MAP7D2: variants seen among roughly 807,000 people sequenced by gnomAD.
MAP7D2 encodes the protein MAP7 domain-containing protein 2.
Under a neutral mutation model 63.5 loss-of-function variants are expected in MAP7D2, and 33 were observed. The observed-to-expected ratio is 0.52, with a 90% CI of 0.39 to 0.70. The LOEUF is 0.70. Among genes scored for constraint, MAP7D2 ranks in the 30% least tolerant of loss-of-function variants. The pLI is 0.00. For missense variants in MAP7D2, 626 were observed against 604.0 expected, an observed-to-expected ratio of 1.04 and a Z score of -0.38; for synonymous variants, 224 against 223.7, an observed-to-expected ratio of 1.00 and a Z score of -0.01.
chrX:20,020,218 C>G (rs978714847), intron 10 of MAP7D2, among the ~76,000 whole-genome samples: 4 of 111,418 alleles, frequency 3.6e-5, no homozygotes, highest in African/African-American at 1.3e-4. Context: ...ACATCCTCCA[C>G]AGCTATGTGT....
chrX:20,033,636 C>T (rs1371713989), intron 8 of MAP7D2, among the ~76,000 whole-genome samples: 1 of 112,402 alleles, frequency 8.9e-6, no homozygotes, highest in Non-Finnish European at 1.9e-5. Flanking sequence ...GAACAATGCA[C>T]TGTCAGAGCT....
intron 8 of MAP7D2, among the ~76,000 whole-genome samples, chrX:20,028,201 G>A (rs1400790838): frequency 9.0e-6 from 1 of 111,703 alleles, no homozygotes; most frequent in Non-Finnish European, 1.9e-5. Flanking sequence ...GGCTTAGAGA[G>A]GTGAAATGGC....
At chrX:20,095,068 G>A (rs1416335880) in intron 1 of MAP7D2, among the ~76,000 whole-genome samples, 3 of 105,934 alleles carry the variant, frequency 2.8e-5, no homozygotes, top group Non-Finnish European at 5.8e-5. Flanking sequence ...GTGAGACTCT[G>A]TCTAAAAAAA....
intron 1 of MAP7D2, among the ~76,000 whole-genome samples, chrX:20,089,104 T>C (rs2065998603): frequency 8.9e-6 from 1 of 111,993 alleles, no homozygotes. Flanking sequence ...CTTCTAGAAG[T>C]TTTATGGCTT....
At chrX:20,076,369 A>G (rs1424572551) in intron 1 of MAP7D2, among the ~76,000 whole-genome samples, 1 of 111,929 alleles carries the variant, frequency 8.9e-6, no homozygotes, top group Non-Finnish European at 1.9e-5. Flanking sequence ...ACTACTGACT[A>G]CTAGGATGAA....
rs1442659016 is a variant in MAP7D2 at position 20,082,903 on chromosome X, C to T, written c.131-18098G>A. ...TTGGCCTCCCAAAGTGCTGGGATTA[C>T]AGGCGTGAGCCACTGCGCCCGGCCA... On this transcript the variant is annotated intron_variant, in intron 1 of 16. Transcript: ENST00000379643. Among the ~76,000 whole-genome samples the T allele has an allele frequency of 4.5e-5, 5 of 112,227 alleles. No individual in the cohort carries two copies. In the East Asian group the frequency reaches 1.4e-3, roughly 31 times the overall value.
At position 20,025,030 on chromosome X, in the gene MAP7D2, A is replaced by C; in HGVS notation, c.1333T>G (p.Leu445Val). The change falls in exon 10 of 17, where the codon TTG becomes GTG. Residue 445 changes from leucine (L) to valine (V), a missense_variant. By Grantham distance (32) the Leu-to-Val change is conservative. Coordinates refer to ENST00000379643, the MANE Select transcript of MAP7D2 (RefSeq NM_001168465.2). Reference protein sequence around the residue: ...TTDAGEAAKILAEKRRQARLQ... With the variant: ...TTDAGEAAKIVAEKRRQARLQ... ...CGGGCCTGTCTTCTCTTTTCAGCCA[A>C]GATCTTCGCAGCCTCTCCTGCATCA... 8.3e-7 allele frequency: 1 copy of C among 1,211,245 alleles called. No individual in the cohort carries two copies. Among genetic ancestry groups the C allele is most frequent in the Non-Finnish European group, 1.1e-6 (1 of 895,365 alleles).
chrX:20,079,458 G>A (rs899603522), intron 1 of MAP7D2, among the ~76,000 whole-genome samples: 2 of 111,760 alleles, frequency 1.8e-5, no homozygotes, highest in African/African-American at 6.5e-5. Context: ...TCAGATCCCA[G>A]CTACAAATGC....
At chrX:20,025,207 C>A in intron 9 of MAP7D2, 124 bp from the exon 10 acceptor site, 1 of 817,778 alleles carries the variant, frequency 1.2e-6, no homozygotes, top group Non-Finnish European at 1.7e-6. Context: ...ATGGGAAATG[C>A]CGTCCAGACT....
chrX:20,049,334 C>A (rs1218688527), intron 6 of MAP7D2, among the ~76,000 whole-genome samples: 1 of 101,586 alleles, frequency 9.8e-6, no homozygotes, highest in Non-Finnish European at 2.0e-5. Context: ...TACAGTGGTG[C>A]AATCTCGGCT....
rs2074025157 is a variant in MAP7D2 at position 20,030,872 on chromosome X, A to G, written c.1008-4920T>C. 4.5e-5 allele frequency among the ~76,000 whole-genome samples: 5 copies of G among 112,156 alleles called. No individual in the cohort carries two copies. The Admixed American group carries it at 4.7e-4, about 11-fold the overall frequency. Reference sequence around the variant, plus strand: ...TAGCCTCCTGATAAGAGGTACTGAGAAGGACCCAACACCTCTGCCACGAGA... The same window carrying G: ...TAGCCTCCTGATAAGAGGTACTGAGGAGGACCCAACACCTCTGCCACGAGA... On this transcript the variant is annotated intron_variant, in intron 8 of 16. Coordinates refer to ENST00000379643, the MANE Select transcript of MAP7D2 (RefSeq NM_001168465.2).
intron 1 of MAP7D2, among the ~76,000 whole-genome samples, chrX:20,095,561 C>T (rs2066235006): frequency 9.1e-6 from 1 of 110,226 alleles, no homozygotes; most frequent in African/African-American, 3.3e-5. Flanking sequence ...TCCCCTGGCA[C>T]AAAACAGGGT....
chrX:20,055,183 T>C (rs1312512961), intron 4 of MAP7D2, among the ~76,000 whole-genome samples: 1 of 110,705 alleles, frequency 9.0e-6, no homozygotes, highest in Non-Finnish European at 1.9e-5. Flanking sequence ...CCAGAGGAGT[T>C]TCCCAGGCCT....
chrX:20,043,648 G>A (rs2064719829), intron 7 of MAP7D2, among the ~76,000 whole-genome samples: 1 of 112,325 alleles, frequency 8.9e-6, no homozygotes, highest in African/African-American at 3.2e-5. Context: ...AAGTCACTCT[G>A]AATTTCTGAC....
At chrX:20,072,678 C>T (rs866421119) in intron 1 of MAP7D2, among the ~76,000 whole-genome samples, 29 of 111,786 alleles carry the variant, frequency 2.6e-4, no homozygotes, top group African/African-American at 9.1e-4. Context: ...CACCAATTTC[C>T]TCTGAAAACA....
chrX:20,053,929 C>T (rs957399522), intron 4 of MAP7D2, among the ~76,000 whole-genome samples: 10 of 111,535 alleles, frequency 9.0e-5, no homozygotes, highest in Admixed American at 6.6e-4. Context: ...CTGCAACCTC[C>T]GCCTCCCGGG....
At chrX:20,098,942 T>G (rs1351734857) in intron 1 of MAP7D2, among the ~76,000 whole-genome samples, 1 of 112,810 alleles carries the variant, frequency 8.9e-6, no homozygotes, top group Non-Finnish European at 1.9e-5. Flanking sequence ...TCATGGTGTG[T>G]GTGCCATCCA....
intron 1 of MAP7D2, among the ~76,000 whole-genome samples, chrX:20,075,813 T>C (rs147144345): frequency 0.015 from 1,679 of 112,108 alleles, 13 homozygotes; most frequent in Middle Eastern, 0.055. Context: ...AGGCAGGAAC[T>C]AACCTCAGGG....
intron 1 of MAP7D2, among the ~76,000 whole-genome samples, chrX:20,076,945 A>T (rs2065660124): frequency 8.9e-6 from 1 of 112,953 alleles, no homozygotes; most frequent in Admixed American, 9.4e-5. Flanking sequence ...ATTTTCTTAA[A>T]TCACAATTGC....
Sources: gnomAD v4.1 joint callset for allele counts (sites outside exome capture counted in the v4.1 genomes callset) on GRCh38, gnomAD v4.1.1 for gene constraint, MANE v1.5 for transcripts, NCBI Gene and HGNC (gene_info 2026-07-23, HGNC 2026-07-21) for gene names.